The following PPID variants were observed in gnomAD, a reference collection of about 807,000 sequenced individuals.
The protein encoded by PPID is peptidyl-prolyl cis-trans isomerase D.
PPID carries 47 observed loss-of-function variants against 48.1 expected under a neutral mutation model. That is an observed-to-expected ratio of 0.98 (90% CI 0.77 to 1.25). The LOEUF (loss-of-function observed/expected upper bound fraction) is 1.25, where lower values mean the gene tolerates loss of function less well. Ranked by LOEUF, PPID falls within the 50% of genes most tolerant of loss-of-function variation. The pLI, the probability that PPID is intolerant of heterozygous loss-of-function variation, is 0.00. For synonymous variants in PPID, 163 were observed against 148.8 expected (o/e 1.10, Z -0.69); for missense variants, 429 against 443.5 (o/e 0.97, Z 0.29).
rs1243917506 is a variant in PPID at position 158,717,009 on chromosome 4, T to C, written c.522+3A>G. The C allele has an allele frequency of 1.2e-6, 2 of 1,606,972 alleles. No homozygotes were observed. Among genetic ancestry groups the C allele is most frequent in the Non-Finnish European group, 1.7e-6 (2 of 1,174,490 alleles). On this transcript the variant is annotated splice_donor_region_variant and intron_variant, in intron 4 of 9. Transcript: ENST00000307720. Reference sequence around the variant, plus strand: ...GTGTATTTCACTGTAACTTTTTACTTACTTTAGCAGGTTTTTCACCTTTCA... The same window carrying C: ...GTGTATTTCACTGTAACTTTTTACTCACTTTAGCAGGTTTTTCACCTTTCA...
At chr4:158,715,485 C>T in intron 5 of PPID, 77 bp downstream of exon 5, 2 of 1,558,652 alleles carry the variant, frequency 1.3e-6, no homozygotes, top group Non-Finnish European at 1.8e-6. Context: ...GAGACTGAAA[C>T]AAAAGCTCAA....
chr4:158,714,127 T>C (rs1391053204), intron 6 of PPID, among the ~76,000 whole-genome samples: 1 of 152,166 alleles, frequency 6.6e-6, no homozygotes, highest in African/African-American at 2.4e-5. Context: ...AACTGTACGA[T>C]GATAAACTTA....
intron 6 of PPID, 96 bp downstream of exon 6, chr4:158,715,201 A>G (rs1478418067): frequency 2.3e-5 from 24 of 1,046,322 alleles, no homozygotes; most frequent in Non-Finnish European, 3.0e-5. Flanking sequence ...TGGTTATTCC[A>G]CAAGTAATTT....
rs1774915945 is a variant in PPID at position 158,719,163 on chromosome 4, C to A, written c.333+17G>T. Reference sequence around the variant, plus strand: ...CAATCTTTTTATCAGCAATAACATGCATTTTCTCTACTTTACCTTGTAATG... The same window carrying A: ...CAATCTTTTTATCAGCAATAACATGAATTTTCTCTACTTTACCTTGTAATG... On this transcript the variant is annotated intron_variant, in intron 3 of 9. Transcript: ENST00000307720. The A allele has an allele frequency of 6.8e-7, 1 of 1,466,108 alleles. No individual in the cohort carries two copies. Among genetic ancestry groups the A allele is most frequent in the Admixed American group, 1.7e-5 (1 of 58,992 alleles). 90.8% of individuals were successfully genotyped at this position (1,466,108 alleles called of 1,614,324 possible).
intron 9 of PPID, 86 bp from the exon 10 acceptor site, chr4:158,709,910 C>G (rs1774754732): frequency 8.9e-7 from 1 of 1,120,226 alleles, no homozygotes; most frequent in Non-Finnish European, 1.3e-6. Flanking sequence ...TGTTAACTAC[C>G]CCTTGAAAAA....
At chr4:158,714,592 C>CTT (rs113579328) in intron 6 of PPID, among the ~76,000 whole-genome samples, 6 of 141,978 alleles carry the variant, frequency 4.2e-5, no homozygotes, top group Non-Finnish European at 3.1e-5. Flanking sequence ...ATATGGATTA[C>CTT]TTTTTTTTTT....
Position 158,722,910 on chromosome 4 carries a change from T to G in PPID, c.85+294A>C, listed in dbSNP as rs576013906. On this transcript the variant is annotated intron_variant, in intron 1 of 9. Coordinates refer to ENST00000307720, the MANE Select transcript of PPID (RefSeq NM_005038.3). ...AAAATATTTCATGCTAACTTGGTAG[T>G]GCAAAGGTGGCGTGGAAGTGCCACC... Among the ~76,000 whole-genome samples the G allele has an allele frequency of 9.8e-5, 15 of 152,310 alleles. No homozygotes were observed. The East Asian group carries it at 2.3e-3, about 23-fold the overall frequency.
intron 2 of PPID, among the ~76,000 whole-genome samples, 180 bp from the exon 3 acceptor site, chr4:158,719,466 T>A (rs2126338049): frequency 6.6e-6 from 1 of 152,318 alleles, no homozygotes; most frequent in South Asian, 2.1e-4. Flanking sequence ...ACCATCTGAA[T>A]CCAACCTATT....
intron 6 of PPID, among the ~76,000 whole-genome samples, chr4:158,715,073 G>T (rs1774847943): frequency 6.6e-6 from 1 of 152,020 alleles, no homozygotes; most frequent in African/African-American, 2.4e-5. Flanking sequence ...GTTAAAAATT[G>T]GTGAATGTAA....
In PPID at chr4:158,715,280, G is replaced by T; in HGVS notation, c.752+17C>A. On this transcript the variant is annotated intron_variant, in intron 6 of 9. Coordinates refer to ENST00000307720, the MANE Select transcript of PPID (RefSeq NM_005038.3). ...ATTTATAATTTCTTAAAAATAATTT[G>T]TTAGAAATAATATTACCTTAAAACT... 1 of 1,383,012 alleles carries T rather than the reference G, an allele frequency of 7.2e-7. No homozygotes were observed. The highest frequency in any genetic ancestry group is 9.6e-7 in the Non-Finnish European group (1 of 1,045,284). The allele number at this position is 1,383,012 out of a possible 1,614,324, so 85.7% of individuals were successfully genotyped here.
At chr4:158,711,916 T>C (rs1165374679) in intron 7 of PPID, among the ~76,000 whole-genome samples, 1 of 152,134 alleles carries the variant, frequency 6.6e-6, no homozygotes, top group Non-Finnish European at 1.5e-5. Flanking sequence ...GCAGTGAGCT[T>C]TGATTGCATC....
intron 4 of PPID, among the ~76,000 whole-genome samples, 164 bp downstream of exon 4, chr4:158,716,848 C>T (rs572693307): frequency 3.3e-5 from 5 of 152,094 alleles, no homozygotes; most frequent in Admixed American, 1.3e-4. Context: ...GTAATCCCTG[C>T]TACTCAGAAG....
chr4:158,710,382 G>C, intron 9 of PPID: 1 of 577,738 alleles, frequency 1.7e-6, no homozygotes, highest in Non-Finnish European at 3.1e-6. Context: ...CTACAGAGAT[G>C]ATAACTTGAA....
intron 6 of PPID, 68 bp from the exon 7 acceptor site, chr4:158,713,328 A>G (rs570287935): frequency 2.9e-6 from 4 of 1,371,726 alleles, no homozygotes; most frequent in East Asian, 2.5e-5. Context: ...CTCTATGTCC[A>G]GAAGTGTTAT....
At chr4:158,722,080 AT>A (rs1774972073) in intron 1 of PPID, among the ~76,000 whole-genome samples, 2 of 152,362 alleles carry the variant, frequency 1.3e-5, no homozygotes, top group South Asian at 4.1e-4. Flanking sequence ...ACTCACTAGA[AT>A]TAGTGAATCT....
Position 158,723,209 on chromosome 4 carries a change from T to G in PPID, c.80A>C (p.Glu27Ala), listed in dbSNP as rs772342097. ...RVFFDVDIGGERVGRIVLELF... is the reference protein window; with the variant it reads ...RVFFDVDIGGARVGRIVLELF... ...GAGCGTCAGACTCCGCTCACCTCGC[T>G]CCCCTCCGATGTCCACGTCAAAGAA... Residue 27 changes from glutamate to alanine, a missense_variant, in exon 1 of 10, where the codon GAG becomes GCG. Physicochemically the swap from Glu to Ala is moderately radical, Grantham distance 107 (BLOSUM62 -1). Coordinates refer to ENST00000307720, the MANE Select transcript of PPID (RefSeq NM_005038.3). The G allele has an allele frequency of 3.1e-6, 5 of 1,613,482 alleles. No individual in the cohort carries two copies. The African/African-American group carries it at 6.7e-5, about 22-fold the overall frequency.
At chr4:158,722,426 T>C (rs1237881436) in intron 1 of PPID, among the ~76,000 whole-genome samples, 2 of 152,362 alleles carry the variant, frequency 1.3e-5, no homozygotes, top group East Asian at 3.9e-4. Context: ...CTCCTCTAGA[T>C]AGCAGCTAAG....
chr4:158,713,332 G>A, intron 6 of PPID, 72 bp from the exon 7 acceptor site: 1 of 1,317,704 alleles, frequency 7.6e-7, no homozygotes, highest in Non-Finnish European at 1.0e-6. Context: ...ATGTCCAGAA[G>A]TGTTATGTCA....
chr4:158,720,149 T>G (rs930721514), intron 2 of PPID, among the ~76,000 whole-genome samples: 2 of 152,224 alleles, frequency 1.3e-5, no homozygotes, highest in Non-Finnish European at 2.9e-5. Context: ...CATTCATGTT[T>G]GTACAAATAG....
Sources: gnomAD v4.1 joint callset for allele counts (sites outside exome capture counted in the v4.1 genomes callset) on GRCh38, gnomAD v4.1.1 for gene constraint, MANE v1.5 for transcripts, NCBI Gene and HGNC (gene_info 2026-07-23, HGNC 2026-07-21) for gene names.